The following SLC4A10 variants were observed in gnomAD, a reference collection of about 807,000 sequenced individuals.
SLC4A10 encodes the protein sodium-driven chloride bicarbonate exchanger.
A neutral mutation model predicts 137.7 loss-of-function variants in SLC4A10; 42 were observed. The observed-to-expected ratio is 0.30, with a 90% CI of 0.24 to 0.39. The LOEUF is 0.39. SLC4A10 is among the 10% of genes least tolerant of loss of function. The pLI is 1.00. For synonymous variants in SLC4A10, 474 were observed against 464.1 expected (o/e 1.02, Z -0.27); for missense variants, 925 against 1,355.0 (o/e 0.68, Z 4.98).
At chr2:161,761,149 G>T (rs1282891007) in intron 1 of SLC4A10, among the ~76,000 whole-genome samples, 1 of 151,954 alleles carries the variant, frequency 6.6e-6, no homozygotes, top group Non-Finnish European at 1.5e-5. Context: ...ATTAAAACAA[G>T]ACTTGCATCT....
chr2:161,930,146 A>G (rs1441425516), intron 15 of SLC4A10, among the ~76,000 whole-genome samples: 1 of 152,178 alleles, frequency 6.6e-6, no homozygotes, highest in Admixed American at 6.5e-5. Flanking sequence ...TAGACTGGAA[A>G]TAAGGTAATA....
intron 26 of SLC4A10, among the ~76,000 whole-genome samples, chr2:161,980,851 G>A (rs570492086): frequency 5.3e-5 from 8 of 152,276 alleles, no homozygotes; most frequent in African/African-American, 1.4e-4. Context: ...TAATAGATAT[G>A]CAACATATGT....
At chr2:161,693,647 C>T (rs2042212853) in intron 1 of SLC4A10, among the ~76,000 whole-genome samples, 1 of 148,958 alleles carries the variant, frequency 6.7e-6, no homozygotes, top group African/African-American at 2.5e-5. Context: ...CAGCATTCTA[C>T]TCTCTGTCTC....
chr2:161,712,044 C>T, intron 1 of SLC4A10, among the ~76,000 whole-genome samples: 1 of 151,742 alleles, frequency 6.6e-6, no homozygotes, highest in East Asian at 1.9e-4. Context: ...AGTTTTGTTC[C>T]CTCTCCCTTA....
chr2:161,762,195 G>T (rs183037656), intron 1 of SLC4A10, among the ~76,000 whole-genome samples: 1 of 152,186 alleles, frequency 6.6e-6, no homozygotes, highest in Admixed American at 6.6e-5. Context: ...TTTACTTAAT[G>T]CAGTAGATGA....
intron 2 of SLC4A10, among the ~76,000 whole-genome samples, chr2:161,787,092 C>T (rs577991873): frequency 2.4e-4 from 37 of 151,954 alleles, no homozygotes; most frequent in Non-Finnish European, 5.2e-4. Context: ...CACCTTTGAG[C>T]ATTTCTTATA....
chr2:161,754,052 G>T (rs890616395), intron 1 of SLC4A10, among the ~76,000 whole-genome samples: 3 of 151,820 alleles, frequency 2.0e-5, no homozygotes, highest in African/African-American at 7.3e-5. Context: ...ACCACACTCA[G>T]CTAATTTTTT....
chr2:161,739,966 C>T (rs150980675), intron 1 of SLC4A10, among the ~76,000 whole-genome samples: 15 of 152,226 alleles, frequency 9.9e-5, no homozygotes, highest in African/African-American at 3.6e-4. Context: ...TATGGGCATC[C>T]CTTCAATAGG....
At position 161,727,723 on chromosome 2, in the gene SLC4A10, G is replaced by A. The variant is rs1029770657; in HGVS notation, c.49-43250G>A. 2.0e-5 allele frequency among the ~76,000 whole-genome samples: 3 copies of A among 151,950 alleles called. No homozygotes were observed. In the East Asian group the frequency reaches 5.8e-4, roughly 29 times the overall value. On this transcript the variant is annotated intron_variant, in intron 1 of 26. Transcript: ENST00000446997. ...GAGGTAATCTCCAAGAAAATTGAGA[G>A]GAAGGTGGAAAATAGAATAGAAAGA...
intron 1 of SLC4A10, among the ~76,000 whole-genome samples, chr2:161,682,885 A>C (rs2041015747): frequency 6.6e-6 from 1 of 152,242 alleles, no homozygotes; most frequent in Admixed American, 6.5e-5. Context: ...GGACTCCTAA[A>C]GGCATAGGCT....
chr2:161,859,118 A>G lies in SLC4A10; in HGVS notation c.578-3756A>G, dbSNP rs968807067. 4.6e-5 allele frequency among the ~76,000 whole-genome samples: 7 copies of G among 152,286 alleles called. No individual in the cohort carries two copies. The East Asian group carries it at 1.2e-3, about 25-fold the overall frequency. On this transcript the variant is annotated intron_variant, in intron 5 of 26. Transcript: ENST00000446997. ...GACAATGGGTTTTCAAAGCATTGAT[A>G]TGATGATCTTCAAAAAGGCAGAGAT...
chr2:161,760,544 C>T (rs1441788683), intron 1 of SLC4A10, among the ~76,000 whole-genome samples: 1 of 151,966 alleles, frequency 6.6e-6, no homozygotes, highest in Non-Finnish European at 1.5e-5. Context: ...GGGTCCTGCT[C>T]ATGTCTTTCT....
chr2:161,676,127 A>T (rs1361146679), intron 1 of SLC4A10, among the ~76,000 whole-genome samples: 1 of 152,128 alleles, frequency 6.6e-6, no homozygotes, highest in Non-Finnish European at 1.5e-5. Flanking sequence ...TGCCTTGTAT[A>T]CTTACGTGGG....
chr2:161,655,904 C>T (rs571059936), intron 1 of SLC4A10, among the ~76,000 whole-genome samples: 1 of 138,394 alleles, frequency 7.2e-6, no homozygotes, highest in African/African-American at 2.7e-5. Context: ...ATCTCTGTCT[C>T]CCTGGTTCAA....
intron 24 of SLC4A10, among the ~76,000 whole-genome samples, chr2:161,975,048 A>G (rs1370756110): frequency 2.0e-5 from 3 of 152,142 alleles, no homozygotes; most frequent in Admixed American, 6.5e-5. Context: ...ATACTTTTTT[A>G]TGAGAAGGGA....
chr2:161,984,409 T>C lies in SLC4A10; in HGVS notation c.*1257T>C, dbSNP rs1186078522. ...GATTTCACTTTCAATGAATGTGAAG[T>C]TAATAAAACTAAATCTCATAATGCT... On this transcript the variant is annotated 3_prime_UTR_variant, in exon 27 of 27. Coordinates refer to ENST00000446997, the MANE Select transcript of SLC4A10 (RefSeq NM_001178015.2). 6.6e-6 allele frequency: 1 copy of C among 152,132 alleles called. No individual in the cohort carries two copies. Among genetic ancestry groups the C allele is most frequent in the Non-Finnish European group, 1.5e-5 (1 of 67,988 alleles). The allele number at this position is 152,132 out of a possible 1,614,324, so 9.4% of individuals were successfully genotyped here.
intron 23 of SLC4A10, among the ~76,000 whole-genome samples, chr2:161,968,902 G>A (rs575259600): frequency 6.6e-6 from 1 of 152,272 alleles, no homozygotes; most frequent in South Asian, 2.1e-4. Flanking sequence ...CTATTTTCTT[G>A]AGGCTTACAG....
At chr2:161,708,898 T>C (rs1325705424) in intron 1 of SLC4A10, 15 of 1,444,022 alleles carry the variant, frequency 1.0e-5, no homozygotes, top group East Asian at 2.5e-5. Flanking sequence ...TTCTTACTCA[T>C]TGAAAATATA....
chr2:161,713,593 T>C (rs1363470434), intron 1 of SLC4A10, among the ~76,000 whole-genome samples: 2 of 151,840 alleles, frequency 1.3e-5, no homozygotes, highest in African/African-American at 2.4e-5. Flanking sequence ...GCTTTGTTTT[T>C]GACATTTCCT....
Sources: gnomAD v4.1 joint callset for allele counts (sites outside exome capture counted in the v4.1 genomes callset) on GRCh38, gnomAD v4.1.1 for gene constraint, MANE v1.5 for transcripts, NCBI Gene and HGNC (gene_info 2026-07-23, HGNC 2026-07-21) for gene names.